The following GRK6 variants were observed in gnomAD, a reference collection of about 807,000 sequenced individuals.
GRK6 encodes G protein-coupled receptor kinase 6.
Under a neutral mutation model 80.8 loss-of-function variants are expected in GRK6, and 37 were observed. The ratio of observed to expected loss-of-function variants is 0.46; its 90% CI spans 0.35 to 0.60. GRK6 has a LOEUF of 0.60. Ranked by LOEUF, GRK6 falls within the 20% of genes least tolerant of loss-of-function variation. The pLI, the probability that GRK6 is intolerant of heterozygous loss-of-function variation, is 0.00. For synonymous variants in GRK6, 295 were observed against 320.9 expected (o/e 0.92, Z 0.86); for missense variants, 560 against 784.6 (o/e 0.71, Z 3.42).
intron 13 of GRK6, among the ~76,000 whole-genome samples, chr5:177,437,746 G>A (rs2127378970): frequency 6.6e-6 from 1 of 152,338 alleles, no homozygotes; most frequent in Non-Finnish European, 1.5e-5. Context: ...AGGCTTCTCT[G>A]TGTGACAGTC....
intron 4 of GRK6, 85 bp from the exon 5 acceptor site, chr5:177,432,621 C>T: frequency 1.0e-6 from 1 of 955,072 alleles, no homozygotes; most frequent in Non-Finnish European, 1.6e-6. Context: ...ATGGCACCAG[C>T]CCGAGTTGCC....
chr5:177,438,256 T>C (rs1208936737), intron 13 of GRK6, among the ~76,000 whole-genome samples: 2 of 152,066 alleles, frequency 1.3e-5, no homozygotes, highest in East Asian at 3.9e-4. Context: ...TAATCCCAGC[T>C]ACTCGGCAGA....
At chr5:177,433,284 G>T in intron 6 of GRK6, 45 bp downstream of exon 6, 1 of 1,613,654 alleles carries the variant, frequency 6.2e-7, no homozygotes, top group Non-Finnish European at 8.5e-7. Context: ...GGTCGCCGGG[G>T]TTCTTCATAG....
chr5:177,435,937 C>A (rs1764124690), intron 11 of GRK6, 136 bp from the exon 12 acceptor site: 2 of 701,314 alleles, frequency 2.9e-6, no homozygotes, highest in Non-Finnish European at 4.9e-6. Flanking sequence ...GGGGCCTGTG[C>A]TCTCCTACTG....
chr5:177,442,678 G>A lies in GRK6; in HGVS notation c.*888G>A, dbSNP rs1764574710. ...GGTGCGTGCGCGCGCGTGTGTACCT[G>A]TGTGGGTGAAGGGGATAGGGCGAGG... On this transcript the variant is annotated 3_prime_UTR_variant, in exon 16 of 16. Transcript: ENST00000355472. 6.5e-6 allele frequency: 1 copy of A among 152,804 alleles called. No individual in the cohort carries two copies. The highest frequency in any genetic ancestry group is 2.4e-5 in the African/African-American group (1 of 41,460). 9.5% of individuals were successfully genotyped at this position (152,804 alleles called of 1,614,324 possible). A position where few individuals can be genotyped will look rare whatever the true frequency, so the allele number is the denominator to read the frequency against.
intron 15 of GRK6, 46 bp from the exon 16 acceptor site, chr5:177,441,691 C>T: frequency 6.7e-7 from 1 of 1,493,396 alleles, no homozygotes; most frequent in Non-Finnish European, 9.3e-7. Context: ...TTAATGGCAC[C>T]TGCTCTGCCT....
Position 177,426,884 on chromosome 5 carries a change from CA to C in GRK6, c.41del (p.Lys14ArgfsTer64). ...ENIVANTVLL[K>X]AREGGGGNRK... The stretch of plus-strand genomic sequence containing the variant: ...ACATCGTAGCGAACACGGTGCTACT[CA>C]AGGCCCGGGAAGGTGAGGCGGCCGG... On this transcript the variant is annotated frameshift_variant, in exon 1 of 16. Transcript: ENST00000355472. LOFTEE classifies it high-confidence loss of function. The C allele has an allele frequency of 7.2e-7, 1 of 1,397,976 alleles. No individual in the cohort carries two copies. The highest frequency in any genetic ancestry group is 2.4e-5 in the Admixed American group (1 of 41,262). 86.6% of individuals were successfully genotyped at this position (1,397,976 alleles called of 1,614,324 possible).
chr5:177,426,919 C>A, intron 1 of GRK6, 22 bp downstream of exon 1: 2 of 1,347,774 alleles, frequency 1.5e-6, no homozygotes, highest in East Asian at 2.9e-5. Flanking sequence ...GGGTGGGCGG[C>A]CGGGCCCGGG....
intron 9 of GRK6, 68 bp downstream of exon 9, chr5:177,434,172 G>C: frequency 7.0e-7 from 1 of 1,418,884 alleles, no homozygotes; most frequent in Non-Finnish European, 9.3e-7. Flanking sequence ...GGGCCTGGAC[G>C]GGGGTGGCCA....
intron 13 of GRK6, 24 bp from the exon 14 acceptor site, chr5:177,440,676 T>C (rs930403570): frequency 1.9e-6 from 3 of 1,612,384 alleles, no homozygotes; most frequent in African/African-American, 2.7e-5. Flanking sequence ...GTTTCCTATC[T>C]GACCGTTGCC....
intron 13 of GRK6, chr5:177,439,846 AT>A (rs1764376410): frequency 6.6e-6 from 1 of 152,270 alleles, no homozygotes; most frequent in South Asian, 2.1e-4. Flanking sequence ...TGTAGCATAG[AT>A]CAGTGCTTCA....
At chr5:177,433,303 C>A in intron 6 of GRK6, 44 bp from the exon 7 acceptor site, 1 of 1,613,740 alleles carries the variant, frequency 6.2e-7, no homozygotes, top group Non-Finnish European at 8.5e-7. Flanking sequence ...AGGCCTTGGG[C>A]TCTCCTGCTC....
At chr5:177,438,080 A>G (rs1764248668) in intron 13 of GRK6, among the ~76,000 whole-genome samples, 1 of 152,132 alleles carries the variant, frequency 6.6e-6, no homozygotes, top group South Asian at 2.1e-4. Context: ...AGAAAACTAA[A>G]GCAAGCGGCT....
At chr5:177,438,150 C>G (rs1764255092) in intron 13 of GRK6, among the ~76,000 whole-genome samples, 1 of 152,128 alleles carries the variant, frequency 6.6e-6, no homozygotes, top group Non-Finnish European at 1.5e-5. Flanking sequence ...GGCGGATCAC[C>G]TGAGGTTGGG....
chr5:177,431,904 T>G, intron 2 of GRK6, 91 bp from the exon 3 acceptor site: 1 of 1,103,246 alleles, frequency 9.1e-7, no homozygotes. Context: ...CTGGAAGCTG[T>G]TGTGGGGGCC....
chr5:177,426,416 G>A (rs1763668949), upstream of GRK6: 1 of 152,266 alleles, frequency 6.6e-6, no homozygotes, highest in African/African-American at 2.4e-5. Context: ...CTAATTGGCA[G>A]TTTGGTATCC....
chr5:177,435,237 C>A, intron 11 of GRK6, 116 bp downstream of exon 11: 1 of 715,686 alleles, frequency 1.4e-6, no homozygotes, highest in Non-Finnish European at 2.3e-6. Context: ...GTAGAAAGGG[C>A]CCATGCCGAT....
Position 177,441,813 on chromosome 5 carries a change from A to T in GRK6, c.*23A>T. On this transcript the variant is annotated 3_prime_UTR_variant, in exon 16 of 16. Coordinates refer to ENST00000355472, the MANE Select transcript of GRK6 (RefSeq NM_001004106.3). ...TAGCCCCCAGCCCGAGGCCCCCACC[A>T]GCAGTTGGCGGTAGCAGCTACTCCG... The T allele has an allele frequency of 6.2e-7, 1 of 1,605,300 alleles. No homozygotes were observed.
intron 2 of GRK6, among the ~76,000 whole-genome samples, chr5:177,431,359 G>A (rs1038280712): frequency 1.3e-5 from 2 of 152,174 alleles, no homozygotes; most frequent in African/African-American, 2.4e-5. Flanking sequence ...CCAGCCCTGA[G>A]GGGTGCCCAG....
Sources: gnomAD v4.1 joint callset for allele counts (sites outside exome capture counted in the v4.1 genomes callset) on GRCh38, gnomAD v4.1.1 for gene constraint, MANE v1.5 for transcripts, NCBI Gene and HGNC (gene_info 2026-07-23, HGNC 2026-07-21) for gene names.